The following REDIC1 variants were observed in gnomAD, a reference collection of about 807,000 sequenced individuals.
REDIC1 encodes regulator of DNA class I crossover intermediates 1, also known as HEI10 Interacting Protein 1.
At chr12:39,775,983 G>A in the REDIC1 span, among the ~76,000 whole-genome samples, 1 of 152,176 alleles carries the variant, frequency 6.6e-6, no homozygotes, top group East Asian at 1.9e-4. Context: ...GAGCATTTTG[G>A]ATTTTAGATT....
chr12:39,656,472 A>G, the REDIC1 span, among the ~76,000 whole-genome samples: 1 of 152,214 alleles, frequency 6.6e-6, no homozygotes, highest in Non-Finnish European at 1.5e-5. Flanking sequence ...ATATACAATT[A>G]TGTATAATAC....
chr12:39,684,243 A>T, the REDIC1 span: 312 of 988,508 alleles, frequency 3.2e-4, 5 homozygotes, highest in South Asian at 0.011. Context: ...AATGACCTGC[A>T]ATTATAAGTA....
At chr12:39,841,293 A>G in the REDIC1 span, among the ~76,000 whole-genome samples, 1 of 152,124 alleles carries the variant, frequency 6.6e-6, no homozygotes, top group Non-Finnish European at 1.5e-5. Flanking sequence ...ATATATTGGT[A>G]TTTTAGGCCG....
chr12:39,713,652 T>C, the REDIC1 span, among the ~76,000 whole-genome samples: 2 of 149,176 alleles, frequency 1.3e-5, no homozygotes, highest in Non-Finnish European at 3.0e-5. Flanking sequence ...TATATACCTG[T>C]ATACATGCGT....
At chr12:39,663,616 A>G in the REDIC1 span, among the ~76,000 whole-genome samples, 3 of 151,914 alleles carry the variant, frequency 2.0e-5, no homozygotes, top group Non-Finnish European at 4.4e-5. Flanking sequence ...GATTTCTGTC[A>G]TGTTATCAAT....
the REDIC1 span, among the ~76,000 whole-genome samples, chr12:39,875,750 G>A: frequency 6.6e-6 from 1 of 152,218 alleles, no homozygotes; most frequent in Non-Finnish European, 1.5e-5. Context: ...AATTTTAAAA[G>A]TCAGGTCATG....
chr12:39,834,599 C>T, the REDIC1 span, among the ~76,000 whole-genome samples: 1 of 151,998 alleles, frequency 6.6e-6, no homozygotes, highest in Non-Finnish European at 1.5e-5. Context: ...CATACCATTT[C>T]GTTCAGGGAA....
the REDIC1 span, among the ~76,000 whole-genome samples, chr12:39,794,035 A>C: frequency 8.1e-5 from 12 of 148,462 alleles, no homozygotes; most frequent in African/African-American, 3.0e-4. Context: ...GTTCTCTGAT[A>C]CTGAGAAAGT....
At chr12:39,816,419 G>A in the REDIC1 span, among the ~76,000 whole-genome samples, 18 of 134,746 alleles carry the variant, frequency 1.3e-4, no homozygotes, top group Admixed American at 1.2e-3. Context: ...ATCACACCCC[G>A]GGGCCTGTTG....
At chr12:39,712,196 A>G in the REDIC1 span, among the ~76,000 whole-genome samples, 67 of 9,954 alleles carry the variant, frequency 6.7e-3, no homozygotes, top group South Asian at 0.011. Flanking sequence ...ATATGTACAT[A>G]CATATATACA....
chr12:39,791,093 T>G, the REDIC1 span, among the ~76,000 whole-genome samples: 4 of 149,870 alleles, frequency 2.7e-5, no homozygotes, highest in African/African-American at 7.4e-5. Context: ...TAAATTTGTT[T>G]GAGTTCATTG....
the REDIC1 span, among the ~76,000 whole-genome samples, chr12:39,635,257 T>TA: frequency 2.0e-5 from 3 of 152,116 alleles, no homozygotes; most frequent in Non-Finnish European, 4.4e-5. Flanking sequence ...GATCTAGAAC[T>TA]AGAAATACCA....
At chr12:39,783,066 T>A in the REDIC1 span, among the ~76,000 whole-genome samples, 1 of 152,090 alleles carries the variant, frequency 6.6e-6, no homozygotes, top group Non-Finnish European at 1.5e-5. Flanking sequence ...TTCCCCATCC[T>A]GTGTCCAACT....
At chr12:39,872,874 T>G in the REDIC1 span, among the ~76,000 whole-genome samples, 2 of 152,348 alleles carry the variant, frequency 1.3e-5, no homozygotes, top group South Asian at 4.1e-4. Flanking sequence ...TTCAAGCCAT[T>G]CTAAAACAAG....
At chr12:39,900,920 G>A in the REDIC1 span, among the ~76,000 whole-genome samples, 14 of 152,142 alleles carry the variant, frequency 9.2e-5, no homozygotes, top group Middle Eastern at 3.4e-3. Context: ...GAGGCATCAC[G>A]CTACCTGACT....
At chr12:39,818,711 G>T in the REDIC1 span, among the ~76,000 whole-genome samples, 1 of 152,106 alleles carries the variant, frequency 6.6e-6, no homozygotes, top group Non-Finnish European at 1.5e-5. Flanking sequence ...TATACAGAAA[G>T]TTCTTAAAGT....
the REDIC1 span, among the ~76,000 whole-genome samples, chr12:39,796,107 T>A: frequency 6.6e-6 from 1 of 152,158 alleles, no homozygotes; most frequent in Non-Finnish European, 1.5e-5. Flanking sequence ...ATTATGGACA[T>A]TTCATATTAA....
the REDIC1 span, among the ~76,000 whole-genome samples, chr12:39,892,685 CAATT>C: frequency 2.0e-5 from 3 of 152,010 alleles, no homozygotes; most frequent in Admixed American, 6.6e-5. Flanking sequence ...GTAGCCTGGA[CAATT>C]AATACAGTAC....
the REDIC1 span, chr12:39,756,732 TC>T: frequency 6.6e-6 from 1 of 151,676 alleles, no homozygotes; most frequent in Non-Finnish European, 1.5e-5. Context: ...TGATCATTCT[TC>T]CCCTGTATAA....
Sources: gnomAD v4.1 joint callset for allele counts (sites outside exome capture counted in the v4.1 genomes callset) on GRCh38, gnomAD v4.1.1 for gene constraint, MANE v1.5 for transcripts, NCBI Gene and HGNC (gene_info 2026-07-23, HGNC 2026-07-21) for gene names.